The following NEB variants were observed in gnomAD, a reference collection of about 807,000 sequenced individuals.
The protein encoded by NEB is nemaline myopathy type 2.
A neutral mutation model predicts 952.2 loss-of-function variants in NEB; 512 were observed. That is an observed-to-expected ratio of 0.54 (90% CI 0.50 to 0.58). The LOEUF (loss-of-function observed/expected upper bound fraction) is 0.58. Among genes scored for constraint, NEB ranks in the 20% least tolerant of loss-of-function variants. The probability of loss-of-function intolerance (pLI) is 0.00; values close to 1 mark genes in which losing one functional copy is unlikely to be tolerated. For missense variants in NEB, 8,428 were observed against 9,231.1 expected (o/e 0.91, Z 3.56); for synonymous variants, 2,900 against 3,149.8 (o/e 0.92, Z 2.66).
intron 36 of NEB, among the ~76,000 whole-genome samples, chr2:151,673,783 G>C (rs1046026038): frequency 2.3e-4 from 34 of 144,716 alleles, no homozygotes; most frequent in African/African-American, 8.2e-4. Flanking sequence ...GCCCAGGCTG[G>C]AGTGCAGTGG....
At chr2:151,569,702 G>A (rs527896306) in intron 109 of NEB, among the ~76,000 whole-genome samples, 1 of 152,130 alleles carries the variant, frequency 6.6e-6, no homozygotes, top group Admixed American at 6.5e-5. Context: ...TTAAAATCTT[G>A]GCAACTTAAT....
chr2:151,606,583 CAAGAA>C lies in NEB; in HGVS notation c.12747+18_12747+22del. The C allele has an allele frequency of 1.5e-6, 1 of 676,926 alleles. No homozygotes were observed. The highest frequency in any genetic ancestry group is 2.3e-6 in the Non-Finnish European group (1 of 430,406). 41.9% of individuals were successfully genotyped at this position (676,926 alleles called of 1,614,324 possible). A position where few individuals can be genotyped will look rare whatever the true frequency, so the allele number is the denominator to read the frequency against. ...CTCGTTTTGTAGAAAAGAAAAACCA[CAAGAA>C]AAGAGAAGGAAGCGTACCTCACTGG... On this transcript the variant is annotated intron_variant, in intron 84 of 181. Transcript: ENST00000397345.
chr2:151,626,064 T>G (rs749583969), intron 70 of NEB, among the ~76,000 whole-genome samples: 1 of 152,172 alleles, frequency 6.6e-6, no homozygotes, highest in Non-Finnish European at 1.5e-5. Flanking sequence ...TACCTGTATG[T>G]GCTATCTCTA....
At chr2:151,523,675 G>A (rs1412608418) in intron 153 of NEB, among the ~76,000 whole-genome samples, 1 of 152,144 alleles carries the variant, frequency 6.6e-6, no homozygotes, top group East Asian at 1.9e-4. Context: ...AAGTCATGTG[G>A]TAACTGGGTT....
Position 151,688,188 on chromosome 2 carries a change from T to G in NEB, c.2415+104A>C, listed in dbSNP as rs1319703187. On this transcript the variant is annotated intron_variant, in intron 25 of 181. Coordinates refer to ENST00000397345, the MANE Select transcript of NEB (RefSeq NM_001164508.2). ...AGCTCCACTTACAAAGTAACCATCT[T>G]AAAGTTGTTTATTTGCACAATTCCT... 4 of 940,632 alleles carry G rather than the reference T, an allele frequency of 4.3e-6. No individual in the cohort carries two copies. The Admixed American group carries it at 1.0e-4, about 24-fold the overall frequency. 58.3% of individuals were successfully genotyped at this position (940,632 alleles called of 1,614,324 possible).
Position 151,519,045 on chromosome 2 carries a change from T to C in NEB, c.22615A>G (p.Lys7539Glu). Residue 7539 changes from lysine to glutamate, a missense_variant, in exon 155 of 182, where the codon AAA (lysine) becomes GAA (glutamate). Around this residue, in one of 11 missense-constraint regions of NEB, gnomAD observed 3,374 missense variants for 3,651.5 expected, o/e 0.92. Transcript: ENST00000397345. ...ATGTCAGTCACGGGTTTGTGAAGTT[T>C]CTTCAGGTCAGCCTTGTATTTAACC... ...SEVKYKADLKKLHKPVTDMKE... is the reference protein window; with the variant it reads ...SEVKYKADLKELHKPVTDMKE... The C allele has an allele frequency of 1.2e-6, 2 of 1,613,230 alleles. 1 individual carries two copies. Among genetic ancestry groups the C allele is most frequent in the South Asian group, 2.2e-5 (2 of 91,046 alleles).
At chr2:151,533,691 TAC>T in intron 142 of NEB, 145 bp from the exon 143 acceptor site, 1 of 595,026 alleles carries the variant, frequency 1.7e-6, no homozygotes, top group Non-Finnish European at 3.0e-6. Flanking sequence ...AGACATCAAA[TAC>T]ATTATAATGT....
intron 88 of NEB, among the ~76,000 whole-genome samples, chr2:151,601,395 C>T (rs1478903326): frequency 2.1e-5 from 3 of 145,510 alleles, no homozygotes; most frequent in Non-Finnish European, 4.5e-5. Context: ...CAGGCATGAG[C>T]CACCATGCCT....
Position 151,548,338 on chromosome 2 carries a change from G to A in NEB, c.20127C>T (p.His6709=), listed in dbSNP as rs368328496. 1.5e-5 allele frequency: 25 copies of A among 1,613,508 alleles called. No homozygotes were observed. The highest frequency in any genetic ancestry group is 1.1e-4 in the African/African-American group (8 of 75,036). Residue 6709 remains histidine (H), a synonymous_variant, in exon 131 of 182, where the codon CAC becomes CAT. Coordinates refer to ENST00000397345, the MANE Select transcript of NEB (RefSeq NM_001164508.2). ...TGGTAACATTGTTGACTCTCCGGAC[G>A]TGGACAAATGGAACATCTTTGGGGC... ...TLGPKDVPFV[H]VRRVNNVTSE...
chr2:151,690,563 C>A, intron 24 of NEB, 164 bp downstream of exon 24: 1 of 611,502 alleles, frequency 1.6e-6, no homozygotes, highest in Non-Finnish European at 3.0e-6. Context: ...CCTCAGGCTG[C>A]AATTCAATCT....
At chr2:151,724,786 T>C in intron 7 of NEB, 71 bp downstream of exon 7, 1 of 1,311,866 alleles carries the variant, frequency 7.6e-7, no homozygotes, top group Non-Finnish European at 1.1e-6. Flanking sequence ...TGTCCAATTT[T>C]CTCCTATAAG....
intron 48 of NEB, among the ~76,000 whole-genome samples, chr2:151,656,855 A>AG (rs534044088): frequency 2.0e-3 from 310 of 151,832 alleles, no homozygotes; most frequent in Non-Finnish European, 3.8e-3. Flanking sequence ...ATGAAAAAAA[A>AG]AAGGCAAAAA....
At chr2:151,592,001 A>G (rs748982274) in intron 95 of NEB, 33 bp downstream of exon 95, 2 of 1,549,614 alleles carry the variant, frequency 1.3e-6, no homozygotes, top group Non-Finnish European at 1.7e-6. Context: ...GGCAGAGAGC[A>G]CTGTGAAAAG....
chr2:151,549,067 G>T (rs1003270388), intron 130 of NEB, among the ~76,000 whole-genome samples: 3 of 152,096 alleles, frequency 2.0e-5, no homozygotes, highest in African/African-American at 7.2e-5. Flanking sequence ...AAGTGGAGAA[G>T]GGCAACATGA....
chr2:151,519,694 G>T lies in NEB; in HGVS notation c.22554C>A (p.Tyr7518Ter). The T allele has an allele frequency of 6.2e-7, 1 of 1,612,898 alleles. No individual in the cohort carries two copies. Among genetic ancestry groups the T allele is most frequent in the Non-Finnish European group, 8.5e-7 (1 of 1,179,178 alleles). The change falls in exon 154 of 182, where the codon TAC becomes TAA. Residue 7518 changes from tyrosine to a stop codon, truncating the protein, a stop_gained. Coordinates refer to ENST00000397345, the MANE Select transcript of NEB (RefSeq NM_001164508.2). LOFTEE classifies it high-confidence loss of function. ...PKYNPKDSQL[Y>*]KVMKDANNLA... ...GATTATTAGCATCTTTCATGACTTT[G>T]TAGAGCTGGCTGTCTTTTGGATTGT...
chr2:151,530,362 G>T (rs1432612934), intron 145 of NEB, among the ~76,000 whole-genome samples: 1 of 152,082 alleles, frequency 6.6e-6, no homozygotes, highest in Non-Finnish European at 1.5e-5. Flanking sequence ...ACCCACTTTT[G>T]CTCTTCTTAA....
At chr2:151,643,024 A>G (rs572349033) in intron 58 of NEB, 126 bp downstream of exon 58, 2 of 1,204,576 alleles carry the variant, frequency 1.7e-6, no homozygotes, top group South Asian at 3.0e-5. Flanking sequence ...AAGAAGCACA[A>G]TACTTTAAAA....
chr2:151,570,436 T>C (rs2096582731), intron 108 of NEB, 44 bp from the exon 109 acceptor site: 5 of 1,585,464 alleles, frequency 3.2e-6, no homozygotes, highest in Non-Finnish European at 4.3e-6. Flanking sequence ...GCATGTCCTC[T>C]TGATGCACCT....
chr2:151,702,695 CT>C (rs771816987), intron 13 of NEB, among the ~76,000 whole-genome samples: 1 of 151,766 alleles, frequency 6.6e-6, no homozygotes, highest in African/African-American at 2.4e-5. Flanking sequence ...CAACCCCTGC[CT>C]TTTTTTTGTT....
Sources: allele counts gnomAD v4.1 joint callset (sites outside exome capture counted in the v4.1 genomes callset), GRCh38; gene constraint gnomAD v4.1.1; regional missense constraint gnomAD v4.1.1; transcripts MANE v1.5; gene names NCBI Gene and HGNC (gene_info 2026-07-23, HGNC 2026-07-21).